SENP5: variants seen among roughly 807,000 people sequenced by gnomAD.
The protein encoded by SENP5 is sentrin-specific protease 5.
In SENP5, 21 loss-of-function variants were observed where a neutral mutation model predicts 74.2. That is an observed-to-expected ratio of 0.28 (90% CI 0.20 to 0.41). SENP5 has a LOEUF of 0.41. Among genes scored for constraint, SENP5 ranks in the 10% least tolerant of loss-of-function variants. The pLI, the probability that SENP5 is intolerant of heterozygous loss-of-function variation, is 1.00. For missense variants in SENP5, 717 were observed against 889.1 expected, an observed-to-expected ratio of 0.81 and a Z score of 2.46; for synonymous variants, 311 against 312.7, an observed-to-expected ratio of 0.99 and a Z score of 0.06.
chr3:196,871,161 C>T (rs1030748610), intron 1 of SENP5, among the ~76,000 whole-genome samples: 2 of 151,846 alleles, frequency 1.3e-5, no homozygotes, highest in Admixed American at 6.6e-5. Context: ...CAGGGTGAGA[C>T]TCTGTCTCAG....
At chr3:196,918,304 CAA>C (rs34835074) in intron 6 of SENP5, among the ~76,000 whole-genome samples, 29 of 125,580 alleles carry the variant, frequency 2.3e-4, no homozygotes, top group Non-Finnish European at 4.4e-4. Flanking sequence ...GAGACTCTGT[CAA>C]AAAAAAAAAA....
chr3:196,920,462 A>G (rs1028300261), intron 6 of SENP5, among the ~76,000 whole-genome samples: 2 of 152,202 alleles, frequency 1.3e-5, no homozygotes, highest in Non-Finnish European at 2.9e-5. Context: ...TGAAATTTTC[A>G]TAGACACTTA....
At position 196,885,625 on chromosome 3, in the gene SENP5, T is replaced by C. The variant is rs768415622; in HGVS notation, c.444T>C (p.Ala148=). The C allele has an allele frequency of 1.9e-6, 3 of 1,614,206 alleles. No homozygotes were observed. Among genetic ancestry groups the C allele is most frequent in the Non-Finnish European group, 2.5e-6 (3 of 1,180,044 alleles). Residue 148 remains alanine, a synonymous_variant, in exon 2 of 10, where the codon GCT becomes GCC. Transcript: ENST00000323460. ...TTACTGACTTTCCATCAAATAGTGC[T>C]TTAGGTCAGGCCAATGGTCACAGAC... ...KAVTDFPSNS[A]LGQANGHRPR... is the part of the protein sequence containing the mutation.
intron 6 of SENP5, among the ~76,000 whole-genome samples, chr3:196,917,138 A>G (rs936523348): frequency 3.9e-5 from 6 of 152,060 alleles, no homozygotes; most frequent in Non-Finnish European, 8.8e-5. Context: ...GTCTCAAAAC[A>G]AACAAACCCC....
intron 2 of SENP5, among the ~76,000 whole-genome samples, chr3:196,895,803 T>C (rs899476930): frequency 2.0e-5 from 3 of 152,210 alleles, no homozygotes; most frequent in African/African-American, 4.8e-5. Flanking sequence ...ATTACAGGCA[T>C]GAGCCACCGT....
At chr3:196,925,329 C>G (rs894897990) in intron 7 of SENP5, among the ~76,000 whole-genome samples, 1 of 152,160 alleles carries the variant, frequency 6.6e-6, no homozygotes, top group African/African-American at 2.4e-5. Context: ...AAACAAGAAG[C>G]CTCGTGGGCC....
At chr3:196,868,878 T>TAATGTTTTTTTTTTG (rs1560134836) in intron 1 of SENP5, among the ~76,000 whole-genome samples, 2 of 46,378 alleles carry the variant, frequency 4.3e-5, no homozygotes, top group African/African-American at 1.9e-4. Flanking sequence ...AGGTTCCTAC[T>TAATGTTTTTTTTTTG]TATGTTTTTT....
chr3:196,913,217 T>G (rs1162048516), intron 6 of SENP5: 1 of 152,150 alleles, frequency 6.6e-6, no homozygotes, highest in African/African-American at 2.4e-5. Flanking sequence ...ATGTTTATGC[T>G]CCTTAAGAGA....
At chr3:196,887,588 A>G (rs1346635853) in intron 2 of SENP5, among the ~76,000 whole-genome samples, 1 of 151,946 alleles carries the variant, frequency 6.6e-6, no homozygotes, top group African/African-American at 2.4e-5. Context: ...CAATGAACAG[A>G]ATATATGACC....
rs913297667 is a variant in SENP5 at position 196,931,212 on chromosome 3, TA to T, written c.*299del. ...AGACAGAGCATGCAGTGAAGAGTAT[TA>T]AAAAAAAAAGCTTAGTAGATTTGGT... On this transcript the variant is annotated 3_prime_UTR_variant, in exon 10 of 10. Coordinates refer to ENST00000323460, the MANE Select transcript of SENP5 (RefSeq NM_152699.5). The T allele has an allele frequency of 5.6e-3, 1,280 of 227,648 alleles. No homozygotes were observed. The highest frequency in any genetic ancestry group is 0.01 in the Middle Eastern group (7 of 688). The allele number at this position is 227,648 out of a possible 1,614,324, so 14.1% of individuals were successfully genotyped here. A position where few individuals can be genotyped will look rare whatever the true frequency, so the allele number is the denominator to read the frequency against.
intron 6 of SENP5, among the ~76,000 whole-genome samples, chr3:196,904,143 T>C (rs562054333): frequency 6.6e-6 from 1 of 152,244 alleles, no homozygotes; most frequent in Non-Finnish European, 1.5e-5. Flanking sequence ...CTATGTATGA[T>C]GTACTCTAGT....
intron 5 of SENP5, among the ~76,000 whole-genome samples, chr3:196,900,901 T>A (rs749261856): frequency 1.3e-4 from 19 of 151,972 alleles, no homozygotes; most frequent in Non-Finnish European, 1.5e-5. Flanking sequence ...TCAAATCACT[T>A]CAGCATAAGA....
At chr3:196,894,135 T>C (rs1159982613) in intron 2 of SENP5, among the ~76,000 whole-genome samples, 16 of 148,728 alleles carry the variant, frequency 1.1e-4, no homozygotes, top group African/African-American at 3.9e-4. Context: ...TTTTTTTTTT[T>C]TTCTGGAGAC....
chr3:196,882,254 A>T (rs1713759493), intron 1 of SENP5, among the ~76,000 whole-genome samples: 1 of 151,778 alleles, frequency 6.6e-6, no homozygotes, highest in Admixed American at 6.6e-5. Context: ...TACTATTTTG[A>T]CCATTTTTAG....
intron 8 of SENP5, 130 bp from the exon 9 acceptor site, chr3:196,929,503 T>C (rs1357731829): frequency 2.4e-5 from 14 of 576,030 alleles, no homozygotes; most frequent in Non-Finnish European, 4.3e-5. Flanking sequence ...GCTTGAGATA[T>C]CAGATATACC....
chr3:196,916,517 AAG>A (rs1194775446), intron 6 of SENP5, among the ~76,000 whole-genome samples: 3 of 143,404 alleles, frequency 2.1e-5, no homozygotes, highest in Non-Finnish European at 3.1e-5. Flanking sequence ...AAATTTAAGA[AAG>A]AGATTGACTT....
intron 6 of SENP5, among the ~76,000 whole-genome samples, chr3:196,911,986 G>T (rs949990569): frequency 6.6e-6 from 1 of 152,218 alleles, no homozygotes; most frequent in Admixed American, 6.5e-5. Context: ...TGGTGGGAAC[G>T]TAAGTTAGTT....
At position 196,930,983 on chromosome 3, in the gene SENP5, T is replaced by A. The variant is rs181489093; in HGVS notation, c.*60T>A. On this transcript the variant is annotated 3_prime_UTR_variant, in exon 10 of 10. Coordinates refer to ENST00000323460, the MANE Select transcript of SENP5 (RefSeq NM_152699.5). ...TGGAGCAGATGGTTTGTTACTTGAA[T>A]CTCCAAACACTTAGTTGAATTTTTA... 60 of 1,029,284 alleles carry A rather than the reference T, an allele frequency of 5.8e-5. No homozygotes were observed. In the East Asian group the frequency reaches 1.4e-3, roughly 24 times the overall value. 63.8% of individuals were successfully genotyped at this position (1,029,284 alleles called of 1,614,324 possible).
At chr3:196,919,650 G>A (rs1385145667) in intron 6 of SENP5, among the ~76,000 whole-genome samples, 1 of 152,092 alleles carries the variant, frequency 6.6e-6, no homozygotes, top group Non-Finnish European at 1.5e-5. Context: ...AAAATTAGCT[G>A]GGTGTGGTGG....
Sources: gnomAD v4.1 joint callset for allele counts (sites outside exome capture counted in the v4.1 genomes callset) on GRCh38, gnomAD v4.1.1 for gene constraint, MANE v1.5 for transcripts, NCBI Gene and HGNC (gene_info 2026-07-23, HGNC 2026-07-21) for gene names.